Variants in SMC6 observed in about 807,000 individuals in gnomAD.
SMC6 encodes the protein structural maintenance of chromosomes 6.
SMC6 carries 79 observed loss-of-function variants against 142.2 expected under a neutral mutation model. The ratio of observed to expected loss-of-function variants is 0.56; its 90% CI spans 0.46 to 0.67. The LOEUF is 0.67. SMC6 is among the 30% of genes least tolerant of loss of function. The probability of loss-of-function intolerance (pLI) is 0.00; values close to 1 mark genes in which losing one functional copy is unlikely to be tolerated. For synonymous variants in SMC6, 411 were observed against 412.4 expected (o/e 1.00, Z 0.04); for missense variants, 1,072 against 1,284.0 (o/e 0.83, Z 2.52).
intron 6 of SMC6, 47 bp downstream of exon 6, chr2:17,731,690 TTGAG>T: frequency 1.3e-6 from 2 of 1,557,454 alleles, no homozygotes. Context: ...CTAATTCTTT[TTGAG>T]TATTTCCTAA....
chr2:17,721,204 C>A lies in SMC6; in HGVS notation c.784G>T (p.Ala262Ser), dbSNP rs751493871. 1 of 1,611,682 alleles carries A rather than the reference C, an allele frequency of 6.2e-7. No individual in the cohort carries two copies. The highest frequency in any genetic ancestry group is 1.1e-5 in the South Asian group (1 of 90,228). ...TTAGTCTTCATTGTACTTAAACCAG[C>A]AATACTTTGAAAACGTTCCTCTTTC... ...VEKEERFQSI[A>S]GLSTMKTNLE... Residue 262 changes from alanine to serine, a missense_variant, in exon 10 of 28, where the codon GCT becomes TCT. Ala to Ser is a moderately conservative substitution (Grantham distance 99). This residue lies in a region of SMC6 where 994 missense variants were observed against 1,153.2 expected (regional missense o/e 0.86). Coordinates refer to ENST00000448223, the MANE Select transcript of SMC6 (RefSeq NM_001142286.2).
chr2:17,707,248 G>C lies in SMC6; in HGVS notation c.1977C>G (p.Phe659Leu). Reference sequence around the variant, plus strand: ...TTTCAGAATCCACATCTCTGCTTAGGAACTTAGGTCTTGTATTTTCAGATG... The same window carrying C: ...TTTCAGAATCCACATCTCTGCTTAGCAACTTAGGTCTTGTATTTTCAGATG... ...YYSSENTRPKFLSRDVDSEIS... is the reference protein window; with the variant it reads ...YYSSENTRPKLLSRDVDSEIS... The change falls in exon 18 of 28, where the codon TTC (phenylalanine) becomes TTG (leucine). Residue 659 changes from phenylalanine (F) to leucine (L), a missense_variant. Coordinates refer to ENST00000448223, the MANE Select transcript of SMC6 (RefSeq NM_001142286.2). 1 of 1,599,138 alleles carries C rather than the reference G, an allele frequency of 6.3e-7. No individual in the cohort carries two copies. The highest frequency in any genetic ancestry group is 8.5e-7 in the Non-Finnish European group (1 of 1,173,750).
intron 18 of SMC6, among the ~76,000 whole-genome samples, chr2:17,703,679 T>C (rs1338803701): frequency 6.6e-6 from 1 of 152,144 alleles, no homozygotes; most frequent in African/African-American, 2.4e-5. Context: ...TTAATGATGA[T>C]CTACTTTTAT....
chr2:17,706,765 G>C (rs1013517488), intron 18 of SMC6, among the ~76,000 whole-genome samples: 75 of 152,226 alleles, frequency 4.9e-4, no homozygotes, highest in African/African-American at 1.8e-3. Context: ...CTAGGCATGT[G>C]TTCTAATCAT....
chr2:17,670,691 T>C (rs1376219832), intron 25 of SMC6, 116 bp from the exon 26 acceptor site: 1 of 1,058,674 alleles, frequency 9.4e-7, no homozygotes, highest in African/African-American at 1.7e-5. Context: ...GGGAATAAAA[T>C]GACTTAGTGA....
intron 16 of SMC6, among the ~76,000 whole-genome samples, chr2:17,711,555 A>T (rs188017345): frequency 2.0e-5 from 3 of 152,298 alleles, no homozygotes; most frequent in Non-Finnish European, 1.5e-5. Flanking sequence ...GTGATTTCTA[A>T]AGTCAAGTAA....
intron 23 of SMC6, among the ~76,000 whole-genome samples, chr2:17,687,024 C>A (rs1667486749): frequency 6.6e-6 from 1 of 152,076 alleles, no homozygotes; most frequent in Admixed American, 6.6e-5. Flanking sequence ...CATCTATATG[C>A]CAATATTCCA....
Position 17,666,524 on chromosome 2 carries a change from A to G in SMC6, c.3064-7T>C. 1.2e-6 allele frequency: 2 copies of G among 1,606,856 alleles called. No homozygotes were observed. The highest frequency in any genetic ancestry group is 2.2e-5 in the South Asian group (2 of 90,640). ...TTCTCCTATTAACCATATCCTGAAAAACAAAGGCAAAAGTTAGGATTGCTA... is the reference window on the plus strand; with the variant it reads ...TTCTCCTATTAACCATATCCTGAAAGACAAAGGCAAAAGTTAGGATTGCTA... On this transcript the variant is annotated splice_polypyrimidine_tract_variant and splice_region_variant and intron_variant, in intron 26 of 27. Coordinates refer to ENST00000448223, the MANE Select transcript of SMC6 (RefSeq NM_001142286.2).
At chr2:17,722,999 T>TAA (rs372729861) in intron 9 of SMC6, among the ~76,000 whole-genome samples, 3 of 137,880 alleles carry the variant, frequency 2.2e-5, no homozygotes, top group Non-Finnish European at 3.2e-5. Flanking sequence ...TCAGCTTTCT[T>TAA]AAAAAAAAAA....
At chr2:17,720,400 T>C (rs1669311493) in intron 11 of SMC6, among the ~76,000 whole-genome samples, 1 of 152,182 alleles carries the variant, frequency 6.6e-6, no homozygotes, top group Non-Finnish European at 1.5e-5. Flanking sequence ...CAGGCTGAAA[T>C]TAACCTTAAC....
In SMC6 at chr2:17,694,284, G is replaced by T. The variant is rs1272960056; in HGVS notation, c.2678+868C>A. Among the ~76,000 whole-genome samples the T allele has an allele frequency of 2.6e-5, 4 of 152,132 alleles. No homozygotes were observed. The East Asian group carries it at 7.7e-4, about 29-fold the overall frequency. On this transcript the variant is annotated intron_variant, in intron 23 of 27. Coordinates refer to ENST00000448223, the MANE Select transcript of SMC6 (RefSeq NM_001142286.2). Reference sequence around the variant, plus strand: ...TTAGATAGAATAAGTTCTGCTGTTTGATAGCACAGTAGGGTGACTTTAGTT... The same window carrying T: ...TTAGATAGAATAAGTTCTGCTGTTTTATAGCACAGTAGGGTGACTTTAGTT...
Position 17,716,879 on chromosome 2 carries a change from C to T in SMC6, c.1208G>A (p.Arg403Gln), listed in dbSNP as rs139941542. The change falls in exon 14 of 28, where the codon CGG becomes CAG. Residue 403 changes from arginine to glutamine, a missense_variant. This residue lies in a region of SMC6 where 994 missense variants were observed against 1,153.2 expected (regional missense o/e 0.86). Transcript: ENST00000448223. ...AGATATTTTTTTTTGTCTTTCCAACCGTTCAGGTTCCAAAGATTGGTCAGT... is the reference window on the plus strand; with the variant it reads ...AGATATTTTTTTTTGTCTTTCCAACTGTTCAGGTTCCAAAGATTGGTCAGT... Reference protein sequence around the residue: ...KSTDQSLEPERLERQKKISWL... With the variant: ...KSTDQSLEPEQLERQKKISWL... 283 of 1,609,934 alleles carry T rather than the reference C, an allele frequency of 1.8e-4. 2 individuals are homozygous for T. In the African/African-American group the frequency reaches 2.5e-3, roughly 14 times the overall value.
chr2:17,699,409 T>A (rs1030712914), intron 21 of SMC6, among the ~76,000 whole-genome samples: 2 of 152,164 alleles, frequency 1.3e-5, no homozygotes, highest in Admixed American at 1.3e-4. Flanking sequence ...CACTGTAATG[T>A]GTCTTATTGC....
intron 3 of SMC6, among the ~76,000 whole-genome samples, chr2:17,744,640 C>G (rs1022867200): frequency 6.6e-6 from 1 of 152,150 alleles, no homozygotes; most frequent in African/African-American, 2.4e-5. Context: ...GAAGCAAACA[C>G]CTTTGTCTTC....
intron 2 of SMC6, among the ~76,000 whole-genome samples, chr2:17,747,409 A>G (rs1670806762): frequency 6.6e-6 from 1 of 152,216 alleles, no homozygotes; most frequent in Non-Finnish European, 1.5e-5. Flanking sequence ...CAAAGGTTGT[A>G]ATCTCTTTTA....
rs1234905609 is a variant in SMC6, at chr2:17,717,123, C to T, written c.1146G>A (p.Glu382=). Residue 382 remains glutamate (E), a synonymous_variant, in exon 13 of 28, where the codon GAG becomes GAA. Coordinates refer to ENST00000448223, the MANE Select transcript of SMC6 (RefSeq NM_001142286.2). ...NEYKALKKDD[E]QLCKRIEELK... The stretch of plus-strand genomic sequence containing the variant: ...GCTCTTCAATTCGTTTACAAAGCTG[C>T]TCATCATCTTTCTTTAATGCTTTAT... The T allele has an allele frequency of 4.3e-6, 7 of 1,612,132 alleles. No homozygotes were observed. The highest frequency in any genetic ancestry group is 2.2e-5 in the East Asian group (1 of 44,752).
chr2:17,701,950 ATTT>A, intron 19 of SMC6, 41 bp from the exon 20 acceptor site: 1 of 1,076,168 alleles, frequency 9.3e-7, no homozygotes, highest in Non-Finnish European at 1.4e-6. Context: ...ATAAAAAAAA[ATTT>A]AAACCGAAAA....
chr2:17,731,190 C>G (rs1483215154), intron 6 of SMC6, 51 bp from the exon 7 acceptor site: 2 of 1,249,356 alleles, frequency 1.6e-6, no homozygotes, highest in African/African-American at 3.0e-5. Flanking sequence ...GGGCATAACA[C>G]AGAAAAAATG....
intron 16 of SMC6, among the ~76,000 whole-genome samples, 192 bp downstream of exon 16, chr2:17,714,669 T>G (rs979332179): frequency 6.6e-6 from 1 of 152,166 alleles, no homozygotes; most frequent in African/African-American, 2.4e-5. Flanking sequence ...TATAAGAACT[T>G]CAATGGTAGG....
Sources: gnomAD v4.1 joint callset for allele counts (sites outside exome capture counted in the v4.1 genomes callset) on GRCh38, gnomAD v4.1.1 for gene constraint, gnomAD v4.1.1 regional missense constraint, MANE v1.5 for transcripts, NCBI Gene and HGNC (gene_info 2026-07-23, HGNC 2026-07-21) for gene names.